The following ABLIM1 variants were observed in gnomAD, a reference collection of about 807,000 sequenced individuals.
ABLIM1 encodes the protein actin-binding LIM protein 1.
Under a neutral mutation model 107.0 loss-of-function variants are expected in ABLIM1, and 40 were observed. The ratio of observed to expected loss-of-function variants is 0.37; its 90% CI spans 0.29 to 0.49. ABLIM1 has a LOEUF of 0.49. ABLIM1 is among the 20% of genes least tolerant of loss of function. The pLI, the probability that ABLIM1 is intolerant of heterozygous loss-of-function variation, is 0.97. For missense variants in ABLIM1, 857 were observed against 1,008.5 expected (o/e 0.85, Z 2.04); for synonymous variants, 357 against 357.3 (o/e 1.00, Z 0.01).
At chr10:114,735,248 GA>G (rs2082154568) in intron 1 of ABLIM1, among the ~76,000 whole-genome samples, 1 of 152,170 alleles carries the variant, frequency 6.6e-6, no homozygotes, top group Non-Finnish European at 1.5e-5. Context: ...TAATGATGAA[GA>G]GTCTCAGTCT....
chr10:114,704,298 C>CTATATATATATA (rs1368796727), intron 1 of ABLIM1, among the ~76,000 whole-genome samples: 1 of 28,724 alleles, frequency 3.5e-5, no homozygotes, highest in African/African-American at 1.3e-4. Context: ...CTCTCTCTCT[C>CTATATATATATA]TCTCTATATA....
intron 1 of ABLIM1, chr10:114,613,656 C>G: frequency 7.6e-7 from 1 of 1,323,484 alleles, no homozygotes; most frequent in South Asian, 1.2e-5. Context: ...CCTGCCCTCA[C>G]CTGGGTCTCT....
chr10:114,768,001 C>G (rs2142764169), intron 1 of ABLIM1: 1 of 422,686 alleles, frequency 2.4e-6, no homozygotes, highest in African/African-American at 2.2e-5. Flanking sequence ...CCCCCCCGCC[C>G]TCCCGCACCT....
chr10:114,539,230 C>T (rs1261242959), intron 6 of ABLIM1, among the ~76,000 whole-genome samples: 1 of 152,122 alleles, frequency 6.6e-6, no homozygotes, highest in African/African-American at 2.4e-5. Flanking sequence ...TGGTGGCGTG[C>T]ACCTGTAATA....
the ABLIM1 span, among the ~76,000 whole-genome samples, chr10:114,800,552 T>A: frequency 6.6e-6 from 1 of 152,318 alleles, no homozygotes; most frequent in East Asian, 1.9e-4. Flanking sequence ...ATTATTTGCA[T>A]CACCAGTATA....
Position 114,592,367 on chromosome 10 carries a change from G to A in ABLIM1, c.379+9460C>T, listed in dbSNP as rs146501080. On this transcript the variant is annotated intron_variant, in intron 2 of 22. Coordinates refer to ENST00000533213, the MANE Select transcript of ABLIM1 (RefSeq NM_002313.7). The stretch of plus-strand genomic sequence containing the variant: ...TTTGGTACTTGGTTTGTTTAAGAAC[G>A]TTCAGGAAGGACAGCAGAATTCAGC... Among the ~76,000 whole-genome samples, 490 of 152,232 alleles carry A rather than the reference G, an allele frequency of 3.2e-3. 3 individuals are homozygous for A. Among genetic ancestry groups the A allele is most frequent in the South Asian group, 0.011 (51 of 4,822 alleles).
intron 1 of ABLIM1, among the ~76,000 whole-genome samples, chr10:114,612,901 T>C (rs1344949022): frequency 4.6e-5 from 7 of 152,174 alleles, no homozygotes; most frequent in South Asian, 2.1e-4. Context: ...GGTACCACCA[T>C]TACCTTCTAC....
At chr10:114,439,871 T>C in intron 20 of ABLIM1, 2 of 727,090 alleles carry the variant, frequency 2.8e-6, no homozygotes. Context: ...ACACCTGGCC[T>C]GGTTCATGCA....
intron 7 of ABLIM1, among the ~76,000 whole-genome samples, chr10:114,489,942 A>G (rs755911418): frequency 2.0e-5 from 3 of 152,208 alleles, no homozygotes; most frequent in Non-Finnish European, 4.4e-5. Context: ...GCATTTGTGC[A>G]CTGCTTGAAA....
intron 1 of ABLIM1, among the ~76,000 whole-genome samples, chr10:114,630,685 C>T (rs2078116121): frequency 6.6e-6 from 1 of 152,076 alleles, no homozygotes; most frequent in Admixed American, 6.6e-5. Context: ...AATCTATTCC[C>T]TATAGTAGCT....
chr10:114,535,244 G>A (rs1368684055), intron 6 of ABLIM1, among the ~76,000 whole-genome samples: 2 of 152,130 alleles, frequency 1.3e-5, no homozygotes, highest in Non-Finnish European at 2.9e-5. Flanking sequence ...CCTGTGCAGT[G>A]GTAACCTCTC....
At chr10:114,443,096 C>T (rs1399888397) in intron 17 of ABLIM1, among the ~76,000 whole-genome samples, 1 of 152,034 alleles carries the variant, frequency 6.6e-6, no homozygotes, top group East Asian at 1.9e-4. Context: ...CCTTGGTCTC[C>T]CCACTAAATG....
intron 1 of ABLIM1, among the ~76,000 whole-genome samples, chr10:114,696,887 T>C (rs73371871): frequency 0.017 from 2,646 of 152,274 alleles, 74 homozygotes; most frequent in African/African-American, 0.061. Context: ...TCTCCAAATA[T>C]AGGCACATCC....
chr10:114,508,078 G>T (rs1428346272), intron 6 of ABLIM1, among the ~76,000 whole-genome samples: 1 of 152,210 alleles, frequency 6.6e-6, no homozygotes, highest in African/African-American at 2.4e-5. Flanking sequence ...TCTGGACTCA[G>T]AAACCCTTTA....
At chr10:114,783,090 T>C in the ABLIM1 span, among the ~76,000 whole-genome samples, 1 of 152,006 alleles carries the variant, frequency 6.6e-6, no homozygotes, top group African/African-American at 2.4e-5. Flanking sequence ...AAGACCAGCC[T>C]GGCCAACATA....
chr10:114,572,214 T>C (rs990399122), intron 3 of ABLIM1, among the ~76,000 whole-genome samples: 4 of 152,156 alleles, frequency 2.6e-5, no homozygotes, highest in Non-Finnish European at 5.9e-5. Flanking sequence ...ATAATCTTCA[T>C]TAAAGTGATT....
intron 1 of ABLIM1, among the ~76,000 whole-genome samples, chr10:114,700,228 C>A (rs1730943520): frequency 6.6e-6 from 1 of 152,104 alleles, no homozygotes; most frequent in Non-Finnish European, 1.5e-5. Context: ...TCTTGTAAAA[C>A]CTCACTGAGA....
At chr10:114,685,762 T>G (rs560331876), upstream of ABLIM1, among the ~76,000 whole-genome samples, 1 of 152,374 alleles carries the variant, frequency 6.6e-6, no homozygotes, top group East Asian at 1.9e-4. Context: ...TTACACCTAA[T>G]GCCTTGCATT....
At chr10:114,673,571 A>G (rs2080350346) in intron 1 of ABLIM1, among the ~76,000 whole-genome samples, 1 of 152,018 alleles carries the variant, frequency 6.6e-6, no homozygotes, top group African/African-American at 2.4e-5. Context: ...GTGGCTCCCA[A>G]CCCCACCACA....
Sources: gnomAD v4.1 joint callset for allele counts (sites outside exome capture counted in the v4.1 genomes callset) on GRCh38, gnomAD v4.1.1 for gene constraint, MANE v1.5 for transcripts, NCBI Gene and HGNC (gene_info 2026-07-23, HGNC 2026-07-21) for gene names.